The following GPC5 variants were observed in gnomAD, a reference collection of about 807,000 sequenced individuals.
The protein encoded by GPC5 is glypican-5.
In GPC5, 47 loss-of-function variants were observed where a neutral mutation model predicts 53.9. The ratio of observed to expected loss-of-function variants is 0.87; its 90% CI spans 0.69 to 1.11. The LOEUF (loss-of-function observed/expected upper bound fraction) is 1.11. Ranked by LOEUF, GPC5 falls within the 50% of genes most tolerant of loss-of-function variation. The pLI, the probability that GPC5 is intolerant of heterozygous loss-of-function variation, is 0.00. For synonymous variants in GPC5, 286 were observed against 263.3 expected (o/e 1.09, Z -0.84); for missense variants, 748 against 713.1 (o/e 1.05, Z -0.56).
intron 2 of GPC5, among the ~76,000 whole-genome samples, chr13:91,595,756 A>T (rs2032971810): frequency 6.6e-6 from 1 of 152,204 alleles, no homozygotes; most frequent in Non-Finnish European, 1.5e-5. Context: ...ACAGCAAAAG[A>T]CTTTGAAGGA....
chr13:91,458,253 A>G (rs1163037725), intron 2 of GPC5, among the ~76,000 whole-genome samples: 1 of 152,072 alleles, frequency 6.6e-6, no homozygotes. Flanking sequence ...GGGCATACGG[A>G]GGGTGATCGG....
intron 6 of GPC5, among the ~76,000 whole-genome samples, chr13:92,041,554 C>T (rs142281859): frequency 6.6e-6 from 1 of 152,176 alleles, no homozygotes; most frequent in Non-Finnish European, 1.5e-5. Flanking sequence ...TAAAGTCACA[C>T]TCATCCCTGA....
chr13:92,770,778 C>T (rs1875583792), intron 7 of GPC5, among the ~76,000 whole-genome samples: 1 of 152,120 alleles, frequency 6.6e-6, no homozygotes, highest in Admixed American at 6.5e-5. Flanking sequence ...GTGTAAGGGA[C>T]TCCAGATATT....
intron 7 of GPC5, among the ~76,000 whole-genome samples, chr13:92,524,794 A>G (rs1195678520): frequency 6.6e-6 from 1 of 152,160 alleles, no homozygotes; most frequent in African/African-American, 2.4e-5. Context: ...GGTAGACATC[A>G]TTAACAGTCA....
intron 2 of GPC5, among the ~76,000 whole-genome samples, chr13:91,507,611 G>A (rs905623759): frequency 1.2e-4 from 18 of 152,140 alleles, no homozygotes; most frequent in Admixed American, 2.6e-4. Flanking sequence ...CCCACAACAC[G>A]TGGAAATTAT....
rs530979901 is a variant in GPC5, at chr13:91,714,598, G to A, written c.1021-13934G>A. 2.4e-4 allele frequency among the ~76,000 whole-genome samples: 36 copies of A among 152,260 alleles called. No homozygotes were observed. In the South Asian group the frequency reaches 7.3e-3, roughly 31 times the overall value. On this transcript the variant is annotated intron_variant, in intron 3 of 7. Coordinates refer to ENST00000377067, the MANE Select transcript of GPC5 (RefSeq NM_004466.6). Reference sequence around the variant, plus strand: ...GTGTGTAAATGTGCTTATGTGAAAAGTACATGGACATGTGAACATGGAGAA... The same window carrying A: ...GTGTGTAAATGTGCTTATGTGAAAAATACATGGACATGTGAACATGGAGAA...
intron 7 of GPC5, among the ~76,000 whole-genome samples, chr13:92,480,789 C>T (rs1414390918): frequency 6.6e-6 from 1 of 152,026 alleles, no homozygotes; most frequent in Non-Finnish European, 1.5e-5. Context: ...AATTAAGGAT[C>T]TGGAAATGAA....
chr13:91,966,424 G>A (rs1467418174), intron 6 of GPC5, among the ~76,000 whole-genome samples: 1 of 152,054 alleles, frequency 6.6e-6, no homozygotes, highest in Non-Finnish European at 1.5e-5. Context: ...AAATTAGGAA[G>A]AATATAGACC....
At chr13:91,882,954 T>A (rs1341085954) in intron 5 of GPC5, among the ~76,000 whole-genome samples, 1 of 152,094 alleles carries the variant, frequency 6.6e-6, no homozygotes, top group Non-Finnish European at 1.5e-5. Context: ...TATTGCTGCT[T>A]AAGAAACTAC....
intron 7 of GPC5, among the ~76,000 whole-genome samples, chr13:92,461,467 T>A (rs1878475766): frequency 6.6e-6 from 1 of 152,138 alleles, no homozygotes; most frequent in African/African-American, 2.4e-5. Context: ...ATACGGATTG[T>A]GGAAAAAGAG....
intron 2 of GPC5, among the ~76,000 whole-genome samples, chr13:91,582,455 C>A (rs2032401472): frequency 6.6e-6 from 1 of 151,878 alleles, no homozygotes; most frequent in African/African-American, 2.4e-5. Context: ...GACATGAGAA[C>A]ACTTGAAAAC....
chr13:91,861,640 G>A (rs1272062556), intron 5 of GPC5, among the ~76,000 whole-genome samples: 1 of 150,714 alleles, frequency 6.6e-6, no homozygotes, highest in Non-Finnish European at 1.5e-5. Flanking sequence ...ACATTAGTTG[G>A]GTCTTCTTTT....
At chr13:91,763,764 TA>T (rs2037465252) in intron 5 of GPC5, among the ~76,000 whole-genome samples, 1 of 152,194 alleles carries the variant, frequency 6.6e-6, no homozygotes, top group African/African-American at 2.4e-5. Flanking sequence ...TGATAGTCCC[TA>T]AGTAGTTATC....
intron 2 of GPC5, among the ~76,000 whole-genome samples, chr13:91,529,913 C>T (rs570047921): frequency 1.3e-5 from 2 of 152,182 alleles, no homozygotes; most frequent in African/African-American, 4.8e-5. Flanking sequence ...CTAGTCTTGA[C>T]CTGGGCCCTT....
chr13:91,522,631 G>C (rs1165971523), intron 2 of GPC5, among the ~76,000 whole-genome samples: 1 of 151,888 alleles, frequency 6.6e-6, no homozygotes, highest in African/African-American at 2.4e-5. Context: ...AACTCTCTAC[G>C]TTAGATATTT....
At chr13:91,608,732 T>A (rs931557425) in intron 2 of GPC5, among the ~76,000 whole-genome samples, 1 of 151,990 alleles carries the variant, frequency 6.6e-6, no homozygotes, top group African/African-American at 2.4e-5. Flanking sequence ...TAAATAGATA[T>A]GAGGTAAAAG....
chr13:91,851,731 A>C (rs1294772545), intron 5 of GPC5, among the ~76,000 whole-genome samples: 4 of 133,936 alleles, frequency 3.0e-5, no homozygotes. Context: ...ATTCCCACCT[A>C]TGAGTGAGAA....
chr13:92,602,181 A>T (rs1486984813), intron 7 of GPC5, among the ~76,000 whole-genome samples: 4 of 143,454 alleles, frequency 2.8e-5, no homozygotes, highest in Non-Finnish European at 4.5e-5. Flanking sequence ...CACACTATAT[A>T]TATTACATAT....
chr13:92,211,181 A>G (rs2042372267), intron 7 of GPC5, among the ~76,000 whole-genome samples: 1 of 152,222 alleles, frequency 6.6e-6, no homozygotes, highest in Non-Finnish European at 1.5e-5. Flanking sequence ...TGGTATATGC[A>G]AAGTGGGAGG....
Sources: allele counts gnomAD v4.1 joint callset (sites outside exome capture counted in the v4.1 genomes callset), GRCh38; gene constraint gnomAD v4.1.1; transcripts MANE v1.5; gene names NCBI Gene and HGNC (gene_info 2026-07-23, HGNC 2026-07-21).